The following SKAP1 variants were observed in gnomAD, a reference collection of about 807,000 sequenced individuals.
The protein encoded by SKAP1 is src kinase associated phosphoprotein 1, also known as src kinase-associated phosphoprotein 1.
Under a neutral mutation model 58.5 loss-of-function variants are expected in SKAP1, and 44 were observed. The observed-to-expected ratio is 0.75, with a 90% CI of 0.59 to 0.97. The LOEUF is 0.97. Among genes scored for constraint, SKAP1 ranks in the 50% least tolerant of loss-of-function variants. SKAP1 has a pLI of 0.00. For synonymous variants in SKAP1, 127 were observed against 149.7 expected, an observed-to-expected ratio of 0.85 and a Z score of 1.11; for missense variants, 390 against 435.2, an observed-to-expected ratio of 0.90 and a Z score of 0.92.
chr17:48,299,445 T>C (rs7217741), intron 4 of SKAP1, among the ~76,000 whole-genome samples: 26,293 of 152,136 alleles, frequency 0.17, 2,321 homozygotes, highest in Non-Finnish European at 0.19. Context: ...CCTCCAGATA[T>C]CATTGAAGGG....
chr17:48,205,961 C>T (rs2064804703), intron 4 of SKAP1, among the ~76,000 whole-genome samples: 1 of 151,920 alleles, frequency 6.6e-6, no homozygotes, highest in South Asian at 2.1e-4. Context: ...ACATTGGGTC[C>T]AGAACGTGGT....
At chr17:48,145,331 C>T (rs560512062) in intron 11 of SKAP1, among the ~76,000 whole-genome samples, 5 of 151,852 alleles carry the variant, frequency 3.3e-5, no homozygotes, top group Non-Finnish European at 7.4e-5. Context: ...CTGAAATAGA[C>T]GCAGCGCTCA....
At chr17:48,179,925 C>G in intron 9 of SKAP1, 129 bp downstream of exon 9, 1 of 829,896 alleles carries the variant, frequency 1.2e-6, no homozygotes, top group Non-Finnish European at 1.9e-6. Context: ...ATAAAGCGTC[C>G]CACATTATCT....
At chr17:48,372,602 G>A (rs183351084) in intron 2 of SKAP1, among the ~76,000 whole-genome samples, 22 of 152,288 alleles carry the variant, frequency 1.4e-4, no homozygotes, top group Admixed American at 3.9e-4. Flanking sequence ...ACCATGCCCG[G>A]CACATGTATT....
intron 4 of SKAP1, among the ~76,000 whole-genome samples, chr17:48,214,930 G>GTAAAATAAAATAAAATAAAATAAAA (rs58154261): frequency 0.19 from 24,236 of 126,690 alleles, 3,191 homozygotes; most frequent in East Asian, 0.48. Flanking sequence ...TCAAAATAAA[G>GTAAAATAAAATAAAATAAAATAAAA]TAAAATAAAA....
At chr17:48,326,274 G>A (rs1448865278) in intron 4 of SKAP1, among the ~76,000 whole-genome samples, 1 of 152,144 alleles carries the variant, frequency 6.6e-6, no homozygotes, top group Non-Finnish European at 1.5e-5. Flanking sequence ...GTATGGGCCA[G>A]ACTAATTAAA....
intron 4 of SKAP1, among the ~76,000 whole-genome samples, chr17:48,192,195 C>T (rs754280765): frequency 2.6e-5 from 4 of 151,610 alleles, no homozygotes; most frequent in African/African-American, 4.8e-5. Context: ...AAAAAAATTG[C>T]TCCTGGAGGC....
At chr17:48,429,086 T>A (rs2067883763) in intron 1 of SKAP1, among the ~76,000 whole-genome samples, 1 of 151,984 alleles carries the variant, frequency 6.6e-6, no homozygotes, top group African/African-American at 2.4e-5. Flanking sequence ...TGAAAAAAAA[T>A]ACTGCTTGCC....
intron 4 of SKAP1, among the ~76,000 whole-genome samples, chr17:48,322,887 G>T (rs2066387546): frequency 6.6e-6 from 1 of 152,200 alleles, no homozygotes; most frequent in African/African-American, 2.4e-5. Context: ...CCTGAGGTCA[G>T]GAGTTTGAGA....
intron 2 of SKAP1, among the ~76,000 whole-genome samples, chr17:48,390,526 G>A (rs2067331760): frequency 6.6e-6 from 1 of 152,162 alleles, no homozygotes. Context: ...TAGCTAATAG[G>A]AATGTGCCCA....
rs572169823 is a variant in SKAP1, at chr17:48,277,635, T to C, written c.280+68270A>G. Among the ~76,000 whole-genome samples, 36 of 152,322 alleles carry C rather than the reference T, an allele frequency of 2.4e-4. No homozygotes were observed. In the South Asian group the frequency reaches 6.8e-3, roughly 29 times the overall value. The stretch of plus-strand genomic sequence containing the variant: ...TGAAAAAAATTTTTAACAAACGTCA[T>C]AGAAAATCACTCAATGAAAATAAAA... On this transcript the variant is annotated intron_variant, in intron 4 of 12. Coordinates refer to ENST00000336915, the MANE Select transcript of SKAP1 (RefSeq NM_003726.4).
intron 10 of SKAP1, among the ~76,000 whole-genome samples, chr17:48,163,013 C>G (rs530755633): frequency 6.6e-6 from 1 of 152,310 alleles, no homozygotes; most frequent in African/African-American, 2.4e-5. Flanking sequence ...AGTCAGCCAG[C>G]AGGCTTCTGG....
At chr17:48,321,268 A>G (rs2066359035) in intron 4 of SKAP1, among the ~76,000 whole-genome samples, 1 of 152,132 alleles carries the variant, frequency 6.6e-6, no homozygotes, top group African/African-American at 2.4e-5. Context: ...ATAGAGAGAT[A>G]GTTAGCCACC....
chr17:48,336,648 G>C (rs2066574443), intron 4 of SKAP1, among the ~76,000 whole-genome samples: 1 of 152,096 alleles, frequency 6.6e-6, no homozygotes, highest in African/African-American at 2.4e-5. Context: ...AGTTGGGCAG[G>C]AAAGATGTCC....
intron 4 of SKAP1, among the ~76,000 whole-genome samples, chr17:48,285,364 C>T (rs928173336): frequency 6.6e-6 from 1 of 152,172 alleles, no homozygotes; most frequent in East Asian, 1.9e-4. Flanking sequence ...TGCCTGTAGT[C>T]CCAGCACTTT....
At chr17:48,240,461 T>C (rs1244919023) in intron 4 of SKAP1, among the ~76,000 whole-genome samples, 1 of 152,090 alleles carries the variant, frequency 6.6e-6, no homozygotes, top group Non-Finnish European at 1.5e-5. Flanking sequence ...AGGAAATAAC[T>C]CCTTTTATTC....
chr17:48,322,196 TA>T, intron 4 of SKAP1, among the ~76,000 whole-genome samples: 1 of 152,368 alleles, frequency 6.6e-6, no homozygotes, highest in Non-Finnish European at 1.5e-5. Context: ...ATTATAAAAT[TA>T]GCATATTCTA....
chr17:48,270,980 T>C (rs1028746699), intron 4 of SKAP1, among the ~76,000 whole-genome samples: 3 of 151,892 alleles, frequency 2.0e-5, no homozygotes, highest in African/African-American at 7.3e-5. Flanking sequence ...GGCATGAACA[T>C]ATGGTGAACC....
In SKAP1 at chr17:48,298,811, G is replaced by A. The variant is rs535833668; in HGVS notation, c.280+47094C>T. Among the ~76,000 whole-genome samples the A allele has an allele frequency of 1.0e-3, 156 of 152,274 alleles. 3 individuals carry two copies. Among genetic ancestry groups the A allele is most frequent in the South Asian group, 4.4e-3 (21 of 4,822 alleles). Reference sequence around the variant, plus strand: ...AATTGAATTCACTTTCCATGTTAGTGGGGGAAGGGAAGTGGGTAGGAGGGA... The same window carrying A: ...AATTGAATTCACTTTCCATGTTAGTAGGGGAAGGGAAGTGGGTAGGAGGGA... On this transcript the variant is annotated intron_variant, in intron 4 of 12. Coordinates refer to ENST00000336915, the MANE Select transcript of SKAP1 (RefSeq NM_003726.4).
Sources: allele counts gnomAD v4.1 joint callset (sites outside exome capture counted in the v4.1 genomes callset), GRCh38; gene constraint gnomAD v4.1.1; transcripts MANE v1.5; gene names NCBI Gene and HGNC (gene_info 2026-07-23, HGNC 2026-07-21).